PALM2AKAP2: variants seen among roughly 807,000 people sequenced by gnomAD.
PALM2AKAP2 encodes PALM2-AKAP2 fusion protein.
PALM2AKAP2 carries 37 observed loss-of-function variants against 71.5 expected under a neutral mutation model. That is an observed-to-expected ratio of 0.52 (90% confidence interval 0.40 to 0.68). The LOEUF (loss-of-function observed/expected upper bound fraction) is 0.68. Ranked by LOEUF, PALM2AKAP2 falls within the 30% of genes least tolerant of loss-of-function variation. The pLI is 0.00. For missense variants in PALM2AKAP2, 1,224 were observed against 1,191.8 expected (o/e 1.03, Z -0.40); for synonymous variants, 468 against 478.8 (o/e 0.98, Z 0.29).
At chr9:109,934,551 G>A (rs373025849) in intron 6 of PALM2AKAP2, among the ~76,000 whole-genome samples, 2 of 152,030 alleles carry the variant, frequency 1.3e-5, no homozygotes, top group African/African-American at 4.8e-5. Context: ...CCCTCTGCAC[G>A]CTCTTCACTT....
At chr9:110,117,062 A>G (rs1461061678) in intron 1 of PALM2AKAP2, among the ~76,000 whole-genome samples, 2 of 152,188 alleles carry the variant, frequency 1.3e-5, no homozygotes, top group South Asian at 4.2e-4. Flanking sequence ...TTCCAATTAC[A>G]ATACTAATAC....
intron 1 of PALM2AKAP2, among the ~76,000 whole-genome samples, chr9:109,712,127 C>T (rs1828251405): frequency 6.6e-6 from 1 of 151,808 alleles, no homozygotes; most frequent in African/African-American, 2.4e-5. Flanking sequence ...ACTTTTTCAC[C>T]CAATAAAACA....
At position 109,928,675 on chromosome 9, in the gene PALM2AKAP2, C is replaced by CT. The variant is rs35829270; in HGVS notation, c.395-3238dup. Among the ~76,000 whole-genome samples, 1,109 of 143,100 alleles carry CT rather than the reference C, an allele frequency of 7.7e-3. 10 individuals carry two copies. The highest frequency in any genetic ancestry group is 0.015 in the African/African-American group (572 of 39,204). The allele number at this position is 143,100 out of a possible 152,430, so 93.9% of individuals were successfully genotyped here. ...CACTCCCTTATCTTTCTCTCGCTCTCTTTTTTTTTTTTTTGAGTCAGCATC... is the reference window on the plus strand; with the variant it reads ...CACTCCCTTATCTTTCTCTCGCTCTCTTTTTTTTTTTTTTTGAGTCAGCATC... On this transcript the variant is annotated intron_variant, in intron 5 of 9. Transcript: ENST00000302798.
At chr9:109,929,066 C>T (rs917710134) in intron 5 of PALM2AKAP2, among the ~76,000 whole-genome samples, 21 of 152,192 alleles carry the variant, frequency 1.4e-4, no homozygotes, top group African/African-American at 4.8e-4. Flanking sequence ...GTAACTCCAT[C>T]ATCCATTCCC....
chr9:110,105,840 C>A (rs749211891), intron 1 of PALM2AKAP2, among the ~76,000 whole-genome samples: 1 of 152,030 alleles, frequency 6.6e-6, no homozygotes, highest in Admixed American at 6.6e-5. Context: ...GTTAATTTTG[C>A]GTTTAAGTCT....
intron 1 of PALM2AKAP2, among the ~76,000 whole-genome samples, chr9:109,799,580 A>T (rs1243499320): frequency 6.6e-6 from 1 of 152,098 alleles, no homozygotes. Flanking sequence ...TGCAGTCTTG[A>T]CCACCTGCGC....
At chr9:110,032,806 T>C (rs1285736152) in intron 7 of PALM2AKAP2, among the ~76,000 whole-genome samples, 2 of 150,472 alleles carry the variant, frequency 1.3e-5, no homozygotes, top group East Asian at 3.9e-4. Context: ...CCAGGTGTGG[T>C]GTGCGCATGT....
chr9:110,014,799 AAAAAATGTATATATATATATAT>A (rs1832943471), intron 6 of PALM2AKAP2, among the ~76,000 whole-genome samples: 3 of 56,614 alleles, frequency 5.3e-5, no homozygotes, highest in African/African-American at 2.1e-4. Context: ...AAAAAAAAAA[AAAAAATGTATATATATATATAT>A]ATATATATAT....
intron 1 of PALM2AKAP2, among the ~76,000 whole-genome samples, chr9:110,118,932 C>T (rs931755119): frequency 4.6e-5 from 7 of 152,146 alleles, no homozygotes; most frequent in South Asian, 4.1e-4. Context: ...TCAAAGGTAA[C>T]GTGCTCTTTA....
intron 3 of PALM2AKAP2, among the ~76,000 whole-genome samples, chr9:109,883,336 A>G (rs944321965): frequency 1.3e-5 from 2 of 152,214 alleles, no homozygotes; most frequent in East Asian, 3.8e-4. Context: ...ACAATAGCCT[A>G]CAGGGGTGGA....
chr9:109,956,295 G>T (rs1008149741), intron 6 of PALM2AKAP2, among the ~76,000 whole-genome samples: 2 of 152,154 alleles, frequency 1.3e-5, no homozygotes, highest in Middle Eastern at 6.8e-3. Context: ...GTGTGCCACC[G>T]CATCTGGCCA....
intron 1 of PALM2AKAP2, among the ~76,000 whole-genome samples, chr9:109,862,262 AG>A (rs1315806081): frequency 6.6e-6 from 1 of 152,198 alleles, no homozygotes; most frequent in Admixed American, 6.5e-5. Flanking sequence ...AACTAGCTTA[AG>A]AAAATGGGAG....
intron 1 of PALM2AKAP2, among the ~76,000 whole-genome samples, chr9:109,662,088 A>G (rs1160841477): frequency 1.3e-5 from 2 of 151,902 alleles, no homozygotes; most frequent in Non-Finnish European, 2.9e-5. Context: ...GGGTTTTCTA[A>G]ATATACAATC....
chr9:109,678,976 C>T (rs111538801), intron 1 of PALM2AKAP2, among the ~76,000 whole-genome samples: 2,245 of 152,190 alleles, frequency 0.015, 22 homozygotes, highest in Middle Eastern at 0.068. Flanking sequence ...GGCAAACTCA[C>T]GTTTAGGGCT....
intron 1 of PALM2AKAP2, among the ~76,000 whole-genome samples, chr9:110,084,463 C>G (rs1339069028): frequency 1.3e-5 from 2 of 151,950 alleles, no homozygotes; most frequent in Non-Finnish European, 2.9e-5. Context: ...CAAAAATTAC[C>G]TAAAAGAGGT....
intron 6 of PALM2AKAP2, among the ~76,000 whole-genome samples, chr9:109,990,927 C>T (rs1399584091): frequency 1.3e-5 from 2 of 152,110 alleles, no homozygotes; most frequent in Non-Finnish European, 2.9e-5. Context: ...CTTTTGGTGC[C>T]GAGTAATTTG....
At position 109,647,115 on chromosome 9, in the gene PALM2AKAP2, T is replaced by TTA. The variant is rs139881091; in HGVS notation, c.5+6262_5+6263dup. Among the ~76,000 whole-genome samples, 422 of 150,906 alleles carry TTA rather than the reference T, an allele frequency of 2.8e-3. 1 individual carries two copies. The highest frequency in any genetic ancestry group is 9.0e-3 in the African/African-American group (368 of 40,974). On this transcript the variant is annotated intron_variant, in intron 1 of 6. Transcript: ENST00000374531. ...GCAAACATCATAGAGTTGGAAACAC[T>TTA]TATATATATATATAGGTTTAAATAT...
chr9:109,842,890 C>A (rs1326916221), intron 1 of PALM2AKAP2, among the ~76,000 whole-genome samples: 1 of 151,976 alleles, frequency 6.6e-6, no homozygotes, highest in Non-Finnish European at 1.5e-5. Context: ...CCTGTAATCC[C>A]AGCACTTTGG....
intron 1 of PALM2AKAP2, among the ~76,000 whole-genome samples, chr9:109,781,802 G>GT (rs1303519957): frequency 2.0e-5 from 3 of 152,128 alleles, no homozygotes; most frequent in South Asian, 2.1e-4. Flanking sequence ...CAGAAAGGTT[G>GT]TTTTTTTCTT....
Sources: allele counts gnomAD v4.1 joint callset (sites outside exome capture counted in the v4.1 genomes callset), GRCh38; gene constraint gnomAD v4.1.1; transcripts MANE v1.5; gene names NCBI Gene and HGNC (gene_info 2026-07-23, HGNC 2026-07-21).